The following FOXK1 variants were observed in gnomAD, a reference collection of about 807,000 sequenced individuals.
The protein encoded by FOXK1 is forkhead box protein K1.
Under a neutral mutation model 51.9 loss-of-function variants are expected in FOXK1, and 19 were observed. That is an observed-to-expected ratio of 0.37 (90% CI 0.26 to 0.54). The LOEUF (loss-of-function observed/expected upper bound fraction) is 0.54. Among genes scored for constraint, FOXK1 ranks in the 20% least tolerant of loss-of-function variants. The pLI is 0.87. For synonymous variants in FOXK1, 537 were observed against 482.6 expected, an observed-to-expected ratio of 1.11 and a Z score of -1.48; for missense variants, 870 against 1,032.7, an observed-to-expected ratio of 0.84 and a Z score of 2.16.
At position 4,729,981 on chromosome 7, in the gene FOXK1, C is replaced by T. The variant is rs140207217; in HGVS notation, c.561-10857C>T. 0.013 allele frequency among the ~76,000 whole-genome samples: 2,034 copies of T among 151,122 alleles called. 18 individuals carry two copies. Among genetic ancestry groups the T allele is most frequent in the Non-Finnish European group, 0.022 (1,516 of 68,008 alleles). ...CTCCAGCCTGGGCGACAGAGCGAGA[C>T]TCTGTCGAAACAATTTAAATAAAAA... On this transcript the variant is annotated intron_variant, in intron 1 of 8. Transcript: ENST00000328914. This position sits in a 1 kb window ranked among gnomAD's most constrained non-coding sequence, Gnocchi z 6.2.
chr7:4,716,378 C>T (rs1274910407), intron 1 of FOXK1, among the ~76,000 whole-genome samples: 1 of 152,106 alleles, frequency 6.6e-6, no homozygotes, highest in African/African-American at 2.4e-5. Context: ...TGGTGGCATG[C>T]ACCCATAGCC....
rs1271205536 is a variant in FOXK1 at position 4,754,542 on chromosome 7, A to G, written c.830A>G (p.Gln277Arg). Reference protein sequence around the residue: ...RFVQNVTSDLQLAAEFAAKAA... With the variant: ...RFVQNVTSDLRLAAEFAAKAA... The stretch of plus-strand genomic sequence containing the variant: ...GTGCAGAACGTGACCTCGGACCTGC[A>G]GCTGGCAGCAGAGTTTGCAGCAAAG... Residue 277 changes from glutamine to arginine, a missense_variant, in exon 3 of 9, where the codon CAG becomes CGG. Transcript: ENST00000328914. 6.2e-7 allele frequency: 1 copy of G among 1,611,522 alleles called. No individual in the cohort carries two copies. Among genetic ancestry groups the G allele is most frequent in the Non-Finnish European group, 8.5e-7 (1 of 1,180,028 alleles).
intron 1 of FOXK1, among the ~76,000 whole-genome samples, chr7:4,726,105 T>G (rs745317394): frequency 6.6e-6 from 1 of 152,140 alleles, no homozygotes; most frequent in Non-Finnish European, 1.5e-5. Flanking sequence ...GCTTTGCCGC[T>G]GTCTTCAAGG....
At chr7:4,697,966 A>T (rs1779974857) in intron 1 of FOXK1, among the ~76,000 whole-genome samples, 1 of 151,938 alleles carries the variant, frequency 6.6e-6, no homozygotes, top group Admixed American at 6.6e-5. Context: ...CTGGGATTAC[A>T]AGGGTGCGCC....
At position 4,730,374 on chromosome 7, in the gene FOXK1, C is replaced by T. The variant is rs530767070; in HGVS notation, c.561-10464C>T. Among the ~76,000 whole-genome samples, 2 of 152,324 alleles carry T rather than the reference C, an allele frequency of 1.3e-5. No individual in the cohort carries two copies. The highest frequency in any genetic ancestry group is 4.8e-5 in the African/African-American group (2 of 41,576). On this transcript the variant is annotated intron_variant, in intron 1 of 8. Coordinates refer to ENST00000328914, the MANE Select transcript of FOXK1 (RefSeq NM_001037165.2). The surrounding 1 kb of genome is among the most constrained non-coding windows in gnomAD (Gnocchi z 4.7). ...ACCACCCTGCTACCCAGCTTGCCAC[C>T]GCTGTCAGCCGTGGGGTTCAGGAGA... is the stretch of plus-strand genomic sequence containing the variant.
chr7:4,756,634 C>T lies in FOXK1; in HGVS notation c.1051-360C>T, dbSNP rs1167197432. On this transcript the variant is annotated intron_variant, in intron 4 of 8. Coordinates refer to ENST00000328914, the MANE Select transcript of FOXK1 (RefSeq NM_001037165.2). The surrounding 1 kb of genome is among the most constrained non-coding windows in gnomAD (Gnocchi z 4.1). ...AAAAAAATCAACCCAGCATGGTGGC[C>T]CACGCCCATAGTCCCAGCTAGTCAG... Among the ~76,000 whole-genome samples, 1 of 151,784 alleles carries T rather than the reference C, an allele frequency of 6.6e-6. No individual in the cohort carries two copies. The highest frequency in any genetic ancestry group is 1.5e-5 in the Non-Finnish European group (1 of 67,932).
chr7:4,724,288 CG>C (rs1284439969), intron 1 of FOXK1, among the ~76,000 whole-genome samples: 1 of 152,138 alleles, frequency 6.6e-6, no homozygotes. Context: ...CTCCGTCTCC[CG>C]GGTTCCGGAG....
intron 1 of FOXK1, among the ~76,000 whole-genome samples, chr7:4,736,607 G>C (rs538580324): frequency 6.6e-6 from 1 of 151,834 alleles, no homozygotes; most frequent in Non-Finnish European, 1.5e-5. Flanking sequence ...AGAGAGGGGG[G>C]TTTTGCCTTT....
chr7:4,691,541 G>A (rs562601540), intron 1 of FOXK1, among the ~76,000 whole-genome samples: 25 of 152,056 alleles, frequency 1.6e-4, no homozygotes, highest in African/African-American at 4.8e-4. Context: ...TTACTGTGTC[G>A]GCCAGGCTGG....
Position 4,734,113 on chromosome 7 carries a change from G to A in FOXK1, c.561-6725G>A, listed in dbSNP as rs1317179554. ...TGCCTGTGTTTTAACCTTAGTAACC[G>A]TGCCGCCCAGCTCCTAGAAGACACG... On this transcript the variant is annotated intron_variant, in intron 1 of 8. Coordinates refer to ENST00000328914, the MANE Select transcript of FOXK1 (RefSeq NM_001037165.2). This position sits in a 1 kb window ranked among gnomAD's most constrained non-coding sequence, Gnocchi z 5.2. Among the ~76,000 whole-genome samples, 1 of 152,118 alleles carries A rather than the reference G, an allele frequency of 6.6e-6. No individual in the cohort carries two copies. Among genetic ancestry groups the A allele is most frequent in the Non-Finnish European group, 1.5e-5 (1 of 68,014 alleles).
rs1476040995 is a variant in FOXK1 at position 4,735,884 on chromosome 7, C to T, written c.561-4954C>T. 6.6e-6 allele frequency among the ~76,000 whole-genome samples: 1 copy of T among 152,132 alleles called. No homozygotes were observed. The highest frequency in any genetic ancestry group is 1.5e-5 in the Non-Finnish European group (1 of 68,036). On this transcript the variant is annotated intron_variant, in intron 1 of 8. Transcript: ENST00000328914. This position sits in a 1 kb window ranked among gnomAD's most constrained non-coding sequence, Gnocchi z 4.7. ...TATTTAAAAATCAAGCCAGGTGCAG[C>T]GGCTCACACCTGTAATCCCAGCACT...
chr7:4,761,207 C>T lies in FOXK1; in HGVS notation c.1840C>T (p.Gln614Ter), dbSNP rs1197971834. ...LQPATPVTLG[Q>*]HHLPVRAVTQ... is the part of the protein sequence containing the mutation. ...GCCCGCCACACCCGTGACCCTCGGG[C>T]AGCACCACCTTCCAGTCCGGGCCGT... Residue 614 changes from glutamine (Q) to a stop codon, truncating the protein, a stop_gained, in exon 8 of 9, where the codon CAG becomes TAG. Transcript: ENST00000328914. LOFTEE classifies it high-confidence loss of function. The surrounding 1 kb of genome is among the most constrained non-coding windows in gnomAD (Gnocchi z 6.2). 1 of 1,613,152 alleles carries T rather than the reference C, an allele frequency of 6.2e-7. No individual in the cohort carries two copies. The highest frequency in any genetic ancestry group is 8.5e-7 in the Non-Finnish European group (1 of 1,180,030).
rs141376871 is a variant in FOXK1, at chr7:4,747,173, T to G, written c.746+6150T>G. 5.9e-5 allele frequency among the ~76,000 whole-genome samples: 9 copies of G among 152,336 alleles called. No individual in the cohort carries two copies. Among genetic ancestry groups the G allele is most frequent in the Admixed American group, 5.2e-4 (8 of 15,302 alleles). ...ATCTCGGAGGGTCCTAGCGCCCGAC[T>G]TCTCAGGTCAGCCTCGGGTGACAAG... On this transcript the variant is annotated intron_variant, in intron 2 of 8. Transcript: ENST00000328914. The surrounding 1 kb of genome is among the most constrained non-coding windows in gnomAD (Gnocchi z 9.2).
At chr7:4,693,234 A>G (rs1210810374) in intron 1 of FOXK1, among the ~76,000 whole-genome samples, 1 of 152,202 alleles carries the variant, frequency 6.6e-6, no homozygotes, top group Admixed American at 6.5e-5. Flanking sequence ...GGTTCAGCTG[A>G]TAGTTAAACT....
rs137994533 is a variant in FOXK1 at position 4,771,274 on chromosome 7, G to T, written c.*8810G>T. 6.6e-6 allele frequency: 1 copy of T among 152,630 alleles called. No homozygotes were observed. Among genetic ancestry groups the T allele is most frequent in the South Asian group, 2.1e-4 (1 of 4,818 alleles). 9.5% of individuals were successfully genotyped at this position (152,630 alleles called of 1,614,324 possible). On this transcript the variant is annotated 3_prime_UTR_variant, in exon 9 of 9. Transcript: ENST00000328914. ...AATGTGATTTCTAATTGTATCAGACGTTAATGTTTTAAAGCTATAACAAAG... is the reference window on the plus strand; with the variant it reads ...AATGTGATTTCTAATTGTATCAGACTTTAATGTTTTAAAGCTATAACAAAG...
At chr7:4,744,848 T>A (rs1780681255) in intron 2 of FOXK1, among the ~76,000 whole-genome samples, 1 of 152,242 alleles carries the variant, frequency 6.6e-6, no homozygotes, top group African/African-American at 2.4e-5. Context: ...TGGGGAGAAT[T>A]CTGTGCGGAG....
chr7:4,740,371 A>G (rs192718926), intron 1 of FOXK1, among the ~76,000 whole-genome samples: 4,165 of 145,524 alleles, frequency 0.029, 97 homozygotes, highest in Admixed American at 0.082. Context: ...CGGAGCTTGC[A>G]GTGAGCTGAG....
chr7:4,710,558 G>T (rs1474350416), intron 1 of FOXK1, among the ~76,000 whole-genome samples: 1 of 152,204 alleles, frequency 6.6e-6, no homozygotes, highest in African/African-American at 2.4e-5. Context: ...TTGGGCAACA[G>T]AGTGAGACTC....
intron 1 of FOXK1, among the ~76,000 whole-genome samples, chr7:4,684,531 C>T (rs773602921): frequency 9.9e-5 from 15 of 152,280 alleles, no homozygotes; most frequent in Non-Finnish European, 8.8e-5. Flanking sequence ...CAGGAGATAA[C>T]AAATTTGTTC....
Sources: allele counts gnomAD v4.1 joint callset (sites outside exome capture counted in the v4.1 genomes callset), GRCh38; gene constraint gnomAD v4.1.1; non-coding constraint Gnocchi (gnomAD v3.1); transcripts MANE v1.5; gene names NCBI Gene and HGNC (gene_info 2026-07-23, HGNC 2026-07-21).